SIMC1: variants seen among roughly 807,000 people sequenced by gnomAD.
The protein encoded by SIMC1 is SUMO interacting motifs containing 1.
A neutral mutation model predicts 82.3 loss-of-function variants in SIMC1; 55 were observed. That is an observed-to-expected ratio of 0.67 (90% CI 0.54 to 0.84). The LOEUF (loss-of-function observed/expected upper bound fraction) is 0.84, where lower values mean the gene tolerates loss of function less well. SIMC1 is among the 40% of genes least tolerant of loss of function. SIMC1 has a pLI of 0.00. For missense variants in SIMC1, 915 were observed against 1,107.2 expected (o/e 0.83, Z 2.46); for synonymous variants, 353 against 426.3 (o/e 0.83, Z 2.12).
At chr5:176,331,250 G>A (rs1181740680) in intron 7 of SIMC1, among the ~76,000 whole-genome samples, 2 of 151,744 alleles carry the variant, frequency 1.3e-5, no homozygotes, top group Non-Finnish European at 2.9e-5. Flanking sequence ...GGCCCCTGTA[G>A]TCCCAGCTAC....
rs752367064 is a variant in SIMC1 at position 176,289,647 on chromosome 5, T to C, written c.130-7T>C. 1 of 1,573,792 alleles carries C rather than the reference T, an allele frequency of 6.4e-7. No homozygotes were observed. Among genetic ancestry groups the C allele is most frequent in the Non-Finnish European group, 8.6e-7 (1 of 1,160,208 alleles). ...TGACCTCTTTTCTTCACACAATCCT[T>C]CAACAGGACTTCATTGACTTAACTA... On this transcript the variant is annotated splice_polypyrimidine_tract_variant and splice_region_variant and intron_variant, in intron 1 of 9. Transcript: ENST00000429602.
At chr5:176,311,684 CA>C (rs575722098) in intron 4 of SIMC1, among the ~76,000 whole-genome samples, 3 of 151,650 alleles carry the variant, frequency 2.0e-5, no homozygotes, top group African/African-American at 4.8e-5. Flanking sequence ...TCTAGAAAAA[CA>C]AAAAAACTTC....
intron 1 of SIMC1, among the ~76,000 whole-genome samples, chr5:176,288,423 GAATA>G (rs150243423): frequency 8.9e-4 from 113 of 126,796 alleles, no homozygotes; most frequent in South Asian, 7.6e-3. Context: ...ATGAATGAAT[GAATA>G]AATAAATAAA....
At chr5:176,270,445 T>A (rs1345898445) in intron 1 of SIMC1, 1 of 151,918 alleles carries the variant, frequency 6.6e-6, no homozygotes, top group East Asian at 1.9e-4. Flanking sequence ...CCCTCCAGCA[T>A]TTGTCCCCCA....
chr5:176,280,266 A>G (rs1203871245), intron 1 of SIMC1, among the ~76,000 whole-genome samples: 5 of 152,004 alleles, frequency 3.3e-5, no homozygotes, highest in Non-Finnish European at 7.4e-5. Context: ...GTTGGTTTAA[A>G]GTCTGTTTTA....
chr5:176,333,024 C>T (rs1181849886), intron 7 of SIMC1, among the ~76,000 whole-genome samples: 2 of 152,174 alleles, frequency 1.3e-5, no homozygotes, highest in African/African-American at 4.8e-5. Flanking sequence ...TATAAATGGC[C>T]TAGGCACAAT....
intron 1 of SIMC1, among the ~76,000 whole-genome samples, chr5:176,271,629 T>A (rs1762430152): frequency 6.6e-6 from 1 of 151,474 alleles, no homozygotes; most frequent in Non-Finnish European, 1.5e-5. Context: ...AAAATATTTT[T>A]AGATACAATG....
At chr5:176,298,338 G>C (rs969162920) in intron 4 of SIMC1, among the ~76,000 whole-genome samples, 4 of 152,154 alleles carry the variant, frequency 2.6e-5, no homozygotes, top group Non-Finnish European at 4.4e-5. Context: ...CACCCACCTC[G>C]ACCTCCCAAG....
chr5:176,309,937 A>G (rs548701858), intron 4 of SIMC1, among the ~76,000 whole-genome samples: 24 of 152,326 alleles, frequency 1.6e-4, no homozygotes, highest in African/African-American at 5.8e-4. Flanking sequence ...CTTGTCTCAA[A>G]AAAAAGGCCA....
chr5:176,273,021 C>A (rs892988055), intron 1 of SIMC1, among the ~76,000 whole-genome samples: 1 of 152,182 alleles, frequency 6.6e-6, no homozygotes, highest in Non-Finnish European at 1.5e-5. Context: ...CATAGCCGAA[C>A]AAAAGGCAGC....
At chr5:176,288,839 A>ATT (rs1561696376) in intron 1 of SIMC1, among the ~76,000 whole-genome samples, 1 of 152,066 alleles carries the variant, frequency 6.6e-6, no homozygotes, top group South Asian at 2.1e-4. Context: ...GTAGAGCAAT[A>ATT]TTTTTCCAGG....
chr5:176,256,118 T>C (rs932625875), intron 1 of SIMC1, among the ~76,000 whole-genome samples: 7 of 152,098 alleles, frequency 4.6e-5, no homozygotes, highest in Non-Finnish European at 8.8e-5. Flanking sequence ...AAAACTGATA[T>C]TAGAGAAAGG....
rs138969686 is a variant in SIMC1 at position 176,326,814 on chromosome 5, C to A, written c.2171+2057C>A. Among the ~76,000 whole-genome samples, 209 of 152,256 alleles carry A rather than the reference C, an allele frequency of 1.4e-3. No homozygotes were observed. The East Asian group carries it at 0.025, about 18-fold the overall frequency. On this transcript the variant is annotated intron_variant, in intron 7 of 9. Transcript: ENST00000429602. ...TCCTGACCTCAGGTGATCTGCCCACCGCAGTCTCCCAAAGTGCTGGGATTA... is the reference window on the plus strand; with the variant it reads ...TCCTGACCTCAGGTGATCTGCCCACAGCAGTCTCCCAAAGTGCTGGGATTA...
At chr5:176,334,137 T>C (rs1238448223) in intron 7 of SIMC1, among the ~76,000 whole-genome samples, 3 of 152,210 alleles carry the variant, frequency 2.0e-5, no homozygotes, top group Non-Finnish European at 4.4e-5. Flanking sequence ...CACCTCTTGG[T>C]CTGTTTCTAT....
intron 4 of SIMC1, chr5:176,313,073 T>A (rs1247262409): frequency 5.2e-6 from 1 of 190,828 alleles, no homozygotes; most frequent in Non-Finnish European, 1.1e-5. Flanking sequence ...TAACTGTTTG[T>A]CAGTTAGGAT....
chr5:176,285,665 G>A (rs1346440910), intron 1 of SIMC1, among the ~76,000 whole-genome samples: 3 of 151,834 alleles, frequency 2.0e-5, no homozygotes, highest in African/African-American at 4.8e-5. Context: ...AGGAAATAAA[G>A]GGTATTCAAT....
At chr5:176,277,744 AG>A (rs1441688244) in intron 1 of SIMC1, among the ~76,000 whole-genome samples, 1 of 151,948 alleles carries the variant, frequency 6.6e-6, no homozygotes, top group Non-Finnish European at 1.5e-5. Flanking sequence ...GGTTTGTCAA[AG>A]ATCAGATGGT....
intron 1 of SIMC1, among the ~76,000 whole-genome samples, chr5:176,285,043 A>G (rs1168857433): frequency 6.6e-6 from 1 of 152,218 alleles, no homozygotes; most frequent in African/African-American, 2.4e-5. Flanking sequence ...TTCACAGCCA[A>G]ATTCTACCAG....
At chr5:176,277,159 A>G (rs969642939) in intron 1 of SIMC1, among the ~76,000 whole-genome samples, 1 of 151,904 alleles carries the variant, frequency 6.6e-6, no homozygotes, top group African/African-American at 2.4e-5. Context: ...GTTAGATGGT[A>G]TCTCATTGTG....
Sources: allele counts gnomAD v4.1 joint callset (sites outside exome capture counted in the v4.1 genomes callset), GRCh38; gene constraint gnomAD v4.1.1; transcripts MANE v1.5; gene names NCBI Gene and HGNC (gene_info 2026-07-23, HGNC 2026-07-21).